The following PACRGL variants were observed in gnomAD, a reference collection of about 807,000 sequenced individuals.
PACRGL encodes parkin coregulated like.
Under a neutral mutation model 34.5 loss-of-function variants are expected in PACRGL, and 38 were observed. The observed-to-expected ratio is 1.10, with a 90% confidence interval of 0.85 to 1.44. The LOEUF is 1.44. Among genes scored for constraint, PACRGL ranks in the 40% most tolerant of loss-of-function variants. The pLI is 0.00. For missense variants in PACRGL, 305 were observed against 281.4 expected (o/e 1.08, Z -0.60); for synonymous variants, 128 against 100.1 (o/e 1.28, Z -1.66).
chr4:20,707,849 C>T lies in PACRGL; in HGVS notation c.254C>T (p.Ser85Phe), dbSNP rs746769622. 5.0e-6 allele frequency: 8 copies of T among 1,613,158 alleles called. No individual in the cohort carries two copies. The highest frequency in any genetic ancestry group is 3.3e-4 in the Middle Eastern group (2 of 6,064). The change falls in exon 4 of 9, where the codon TCT becomes TTT. Residue 85 changes from serine to phenylalanine, a missense_variant. Coordinates refer to ENST00000503585, the MANE Select transcript of PACRGL (RefSeq NM_001258345.3). ...RVPSAFAAIY[S>F]KGGIPCRLVH... Reference sequence around the variant, plus strand: ...CCTTCTGCATTTGCAGCTATTTACTCTAAAGGAGGTATTCCTTGCAGGTAA... The same window carrying T: ...CCTTCTGCATTTGCAGCTATTTACTTTAAAGGAGGTATTCCTTGCAGGTAA...
At chr4:20,765,940 T>C in the PACRGL span, among the ~76,000 whole-genome samples, 1 of 152,178 alleles carries the variant, frequency 6.6e-6, no homozygotes. Flanking sequence ...ATGAATACTA[T>C]GCTAGTACTA....
chr4:20,748,659 C>A (rs1045386821), intron 8 of PACRGL, among the ~76,000 whole-genome samples: 5 of 135,192 alleles, frequency 3.7e-5, no homozygotes, highest in Non-Finnish European at 6.3e-5. Flanking sequence ...AATCACAAAG[C>A]AAAATATGTA....
At chr4:20,760,156 C>G in the PACRGL span, among the ~76,000 whole-genome samples, 2 of 152,136 alleles carry the variant, frequency 1.3e-5, no homozygotes, top group Non-Finnish European at 2.9e-5. Flanking sequence ...GTGGTAAGTT[C>G]TGTTTAGTCT....
downstream of PACRGL, among the ~76,000 whole-genome samples, chr4:20,736,571 A>G (rs1441235525): frequency 6.6e-6 from 1 of 152,010 alleles, no homozygotes; most frequent in African/African-American, 2.4e-5. Context: ...TCTAATTTTT[A>G]TATGTTTACT....
Position 20,707,721 on chromosome 4 carries a change from T to C in PACRGL, c.208-82T>C. 3 of 1,108,868 alleles carry C rather than the reference T, an allele frequency of 2.7e-6. No individual in the cohort carries two copies. The South Asian group carries it at 3.8e-5, about 14-fold the overall frequency. 68.7% of individuals were successfully genotyped at this position (1,108,868 alleles called of 1,614,324 possible). On this transcript the variant is annotated intron_variant, in intron 3 of 8. Coordinates refer to ENST00000503585, the MANE Select transcript of PACRGL (RefSeq NM_001258345.3). ...GAAACGGTGCGCTTCGATACCAGCT[T>C]GGCGGTTTGAAAAGCAAAATGGCTG... is the stretch of plus-strand genomic sequence containing the variant.
rs1472713859 is a variant in PACRGL at position 20,716,145 on chromosome 4, A to G, written c.609+2606A>G. The G allele has an allele frequency of 2.1e-6, 3 of 1,458,852 alleles. No individual in the cohort carries two copies. The South Asian group carries it at 3.6e-5, about 18-fold the overall frequency. 90.4% of individuals were successfully genotyped at this position (1,458,852 alleles called of 1,614,324 possible). The stretch of plus-strand genomic sequence containing the variant: ...TCATGAGGTTCCCAAGACCACTCTT[A>G]GGTTTGATGATTTGCCAGAAGGATC... On this transcript the variant is annotated intron_variant, in intron 7 of 8. Coordinates refer to ENST00000503585, the MANE Select transcript of PACRGL (RefSeq NM_001258345.3).
At chr4:20,734,887 C>A (rs1173072576), downstream of PACRGL, 1 of 469,742 alleles carries the variant, frequency 2.1e-6, no homozygotes, top group South Asian at 3.3e-5. Context: ...TTTCAGACTT[C>A]TCTGTGGGCA....
chr4:20,705,796 G>A (rs1734230215), intron 3 of PACRGL, among the ~76,000 whole-genome samples: 1 of 151,184 alleles, frequency 6.6e-6, no homozygotes, highest in African/African-American at 2.4e-5. Flanking sequence ...CCCGAGAAAA[G>A]CATGTGTAAA....
downstream of PACRGL, among the ~76,000 whole-genome samples, chr4:20,733,081 C>A (rs1272564060): frequency 6.6e-6 from 1 of 152,156 alleles, no homozygotes; most frequent in Non-Finnish European, 1.5e-5. Context: ...GTTTGGATTT[C>A]TATAGACTTT....
chr4:20,734,104 T>C (rs1578422150), downstream of PACRGL, among the ~76,000 whole-genome samples: 1 of 152,214 alleles, frequency 6.6e-6, no homozygotes, highest in African/African-American at 2.4e-5. Flanking sequence ...TCCATCCCTT[T>C]CTTTACTTCT....
intron 3 of PACRGL, 88 bp from the exon 4 acceptor site, chr4:20,707,715 C>T: frequency 1.9e-6 from 2 of 1,047,016 alleles, no homozygotes; most frequent in Non-Finnish European, 3.0e-6. Context: ...CGCTTCGATA[C>T]CAGCTTGGCG....
intron 8 of PACRGL, chr4:20,749,656 G>A (rs763735612): frequency 6.3e-7 from 1 of 1,585,472 alleles, no homozygotes; most frequent in Non-Finnish European, 8.6e-7. Flanking sequence ...ATAATCCAGA[G>A]CTTACCTCGA....
At chr4:20,740,693 C>G (rs1348906916) in intron 8 of PACRGL, among the ~76,000 whole-genome samples, 1 of 152,154 alleles carries the variant, frequency 6.6e-6, no homozygotes, top group Non-Finnish European at 1.5e-5. Flanking sequence ...CAGCTAACAT[C>G]ATAATGACAG....
downstream of PACRGL, among the ~76,000 whole-genome samples, chr4:20,753,211 A>T (rs1053051200): frequency 6.6e-6 from 1 of 152,202 alleles, no homozygotes; most frequent in African/African-American, 2.4e-5. Flanking sequence ...GTAGTGACAT[A>T]CTGAGGTCAC....
chr4:20,763,203 A>G, the PACRGL span, among the ~76,000 whole-genome samples: 7 of 152,296 alleles, frequency 4.6e-5, no homozygotes, highest in South Asian at 1.2e-3. Flanking sequence ...AAATACTCCA[A>G]TGAGCATTTA....
intron 4 of PACRGL, among the ~76,000 whole-genome samples, chr4:20,708,294 A>G (rs1735483744): frequency 6.6e-6 from 1 of 152,026 alleles, no homozygotes. Flanking sequence ...ACCTTTCTAG[A>G]CAGATGTCAG....
At chr4:20,765,547 G>A in the PACRGL span, among the ~76,000 whole-genome samples, 3 of 152,136 alleles carry the variant, frequency 2.0e-5, no homozygotes, top group African/African-American at 7.2e-5. Flanking sequence ...ACCTTCCTGT[G>A]TGCCACATAC....
chr4:20,720,236 A>T (rs1473012254), intron 7 of PACRGL, among the ~76,000 whole-genome samples: 1 of 151,964 alleles, frequency 6.6e-6, no homozygotes, highest in Non-Finnish European at 1.5e-5. Context: ...TGCACATGAG[A>T]TGGGTCTCCT....
chr4:20,715,436 A>G (rs1286175492), intron 7 of PACRGL, among the ~76,000 whole-genome samples: 5 of 152,098 alleles, frequency 3.3e-5, no homozygotes, highest in Admixed American at 3.3e-4. Flanking sequence ...TAATAAAATA[A>G]AATAAAAAAA....
Sources: allele counts gnomAD v4.1 joint callset (sites outside exome capture counted in the v4.1 genomes callset), GRCh38; gene constraint gnomAD v4.1.1; transcripts MANE v1.5; gene names NCBI Gene and HGNC (gene_info 2026-07-23, HGNC 2026-07-21).